The following WDFY3 variants were observed in gnomAD, a reference collection of about 807,000 sequenced individuals.
WDFY3 encodes WD repeat and FYVE domain-containing protein 3.
Under a neutral mutation model 409.6 loss-of-function variants are expected in WDFY3, and 66 were observed. The observed-to-expected ratio is 0.16, with a 90% CI of 0.13 to 0.20. The LOEUF (loss-of-function observed/expected upper bound fraction) is 0.20, where lower values mean the gene tolerates loss of function less well. WDFY3 is among the 10% of genes least tolerant of loss of function. The pLI, the probability that WDFY3 is intolerant of heterozygous loss-of-function variation, is 1.00. For missense variants in WDFY3, 3,031 were observed against 4,298.1 expected (o/e 0.71, Z 8.24); for synonymous variants, 1,521 against 1,537.1 (o/e 0.99, Z 0.25).
chr4:84,704,243 T>A (rs1223428520), intron 55 of WDFY3, 95 bp downstream of exon 55: 6 of 952,416 alleles, frequency 6.3e-6, no homozygotes, highest in Admixed American at 3.0e-5. Context: ...TTCGCAGAGC[T>A]TCTTATAATA....
chr4:84,820,985 G>T, intron 11 of WDFY3, 99 bp downstream of exon 11: 2 of 1,164,714 alleles, frequency 1.7e-6, no homozygotes, highest in Non-Finnish European at 2.4e-6. Flanking sequence ...ACATTAGGAA[G>T]TCATTGAAAT....
intron 3 of WDFY3, among the ~76,000 whole-genome samples, chr4:84,865,869 A>G (rs544732428): frequency 2.3e-3 from 345 of 152,296 alleles, no homozygotes; most frequent in African/African-American, 8.0e-3. Flanking sequence ...CAGGAGTTTG[A>G]GACCAGTTTG....
chr4:84,797,851 G>A (rs1749774430), intron 18 of WDFY3, 145 bp downstream of exon 18: 2 of 662,544 alleles, frequency 3.0e-6, no homozygotes, highest in Non-Finnish European at 4.7e-6. Flanking sequence ...GATTACAGGC[G>A]TGAGCCACCG....
At position 84,671,427 on chromosome 4, in the gene WDFY3, T is replaced by C. The variant is rs1438995956; in HGVS notation, c.*1441A>G. Reference sequence around the variant, plus strand: ...ATCACAGGGCTTTTAGAATTGTTCATAATGTTATCACTAAGTTTCTGAAAA... The same window carrying C: ...ATCACAGGGCTTTTAGAATTGTTCACAATGTTATCACTAAGTTTCTGAAAA... On this transcript the variant is annotated 3_prime_UTR_variant, in exon 68 of 68. Coordinates refer to ENST00000295888, the MANE Select transcript of WDFY3 (RefSeq NM_014991.6). 4 of 152,152 alleles carry C rather than the reference T, an allele frequency of 2.6e-5. No homozygotes were observed. Among genetic ancestry groups the C allele is most frequent in the Non-Finnish European group, 5.9e-5 (4 of 67,950 alleles). 9.4% of individuals were successfully genotyped at this position (152,152 alleles called of 1,614,324 possible). A position where few individuals can be genotyped will look rare whatever the true frequency, so the allele number is the denominator to read the frequency against.
chr4:84,800,800 T>C (rs892555355), intron 17 of WDFY3, among the ~76,000 whole-genome samples: 5 of 152,192 alleles, frequency 3.3e-5, no homozygotes, highest in African/African-American at 1.2e-4. Context: ...ATCCCTTGCA[T>C]GCACAGTTCA....
At chr4:84,758,992 C>G (rs974430981) in intron 32 of WDFY3, among the ~76,000 whole-genome samples, 8 of 152,090 alleles carry the variant, frequency 5.3e-5, no homozygotes, top group Non-Finnish European at 7.4e-5. Flanking sequence ...AAGGTGTAAG[C>G]AAGGGATCCA....
chr4:84,780,864 G>A (rs947045855), intron 25 of WDFY3, among the ~76,000 whole-genome samples: 4 of 152,150 alleles, frequency 2.6e-5, no homozygotes, highest in African/African-American at 9.7e-5. Context: ...GTAGAGGAGT[G>A]AGCAGAGAAG....
At chr4:84,869,369 C>T (rs1456677876) in intron 3 of WDFY3, among the ~76,000 whole-genome samples, 1 of 152,154 alleles carries the variant, frequency 6.6e-6, no homozygotes, top group African/African-American at 2.4e-5. Context: ...TTCACGCCCC[C>T]TGCATTCCTG....
intron 5 of WDFY3, among the ~76,000 whole-genome samples, chr4:84,846,670 T>C (rs1290242503): frequency 6.6e-6 from 1 of 150,576 alleles, no homozygotes; most frequent in Non-Finnish European, 1.5e-5. Flanking sequence ...CTCACAGTAC[T>C]GTGAAAATGG....
At chr4:84,887,411 G>T (rs2150468999) in intron 3 of WDFY3, among the ~76,000 whole-genome samples, 1 of 152,228 alleles carries the variant, frequency 6.6e-6, no homozygotes, top group Non-Finnish European at 1.5e-5. Flanking sequence ...TCTGCCCATT[G>T]GCTTGTAATC....
intron 11 of WDFY3, 86 bp downstream of exon 11, chr4:84,820,998 A>G (rs1578674370): frequency 7.8e-7 from 1 of 1,280,614 alleles, no homozygotes; most frequent in East Asian, 2.5e-5. Flanking sequence ...ATTGAAATCA[A>G]TAACCAAAGA....
chr4:84,835,746 C>T (rs1756479903), intron 7 of WDFY3, among the ~76,000 whole-genome samples: 1 of 152,162 alleles, frequency 6.6e-6, no homozygotes, highest in Admixed American at 6.5e-5. Context: ...TTACTCTATA[C>T]AGCTCTATCT....
At chr4:84,948,567 C>T (rs1187268023) in intron 1 of WDFY3, among the ~76,000 whole-genome samples, 2 of 152,172 alleles carry the variant, frequency 1.3e-5, no homozygotes, top group African/African-American at 2.4e-5. Flanking sequence ...TTTGCAGTTT[C>T]GCCCCAATCT....
chr4:84,817,415 G>T lies in WDFY3; in HGVS notation c.1864C>A (p.Gln622Lys), dbSNP rs1201197621. 8.7e-6 allele frequency: 14 copies of T among 1,613,498 alleles called. No individual in the cohort carries two copies. The highest frequency in any genetic ancestry group is 1.2e-5 in the Non-Finnish European group (14 of 1,179,702). The change falls in exon 13 of 68, where the codon CAG becomes AAG. Residue 622 changes from glutamine to lysine, a missense_variant. By Grantham distance (53) the Gln-to-Lys change is moderately conservative. Coordinates refer to ENST00000295888, the MANE Select transcript of WDFY3 (RefSeq NM_014991.6). ...LMHSAPPTEL[Q>K]LKTDILRALL... ...ACCCTTAAAATATCAGTCTTCAACT[G>T]CAATTCCGTCGGTGGGGCTGAATGC... is the stretch of plus-strand genomic sequence containing the variant.
intron 36 of WDFY3, among the ~76,000 whole-genome samples, chr4:84,744,666 A>G (rs1739056129): frequency 6.6e-6 from 1 of 151,432 alleles, no homozygotes; most frequent in South Asian, 2.1e-4. Context: ...ATCCCGGCTA[A>G]AACGGTGAAA....
chr4:84,892,742 A>G (rs1268039906), intron 3 of WDFY3, among the ~76,000 whole-genome samples: 1 of 152,238 alleles, frequency 6.6e-6, no homozygotes, highest in Non-Finnish European at 1.5e-5. Context: ...AGCCTGCTAA[A>G]GTCTGTGTCC....
chr4:84,923,910 G>A (rs1410878950), intron 2 of WDFY3, among the ~76,000 whole-genome samples: 1 of 152,192 alleles, frequency 6.6e-6, no homozygotes, highest in Non-Finnish European at 1.5e-5. Flanking sequence ...TGAGGTGGGA[G>A]AATCGATAGA....
intron 1 of WDFY3, among the ~76,000 whole-genome samples, chr4:84,939,544 T>G (rs542454010): frequency 1.3e-4 from 20 of 152,166 alleles, no homozygotes; most frequent in Admixed American, 1.2e-3. Context: ...AAGCTCAGAG[T>G]CCTACTGGAA....
intron 55 of WDFY3, among the ~76,000 whole-genome samples, chr4:84,702,866 G>A (rs1002269160): frequency 1.3e-5 from 2 of 152,168 alleles, no homozygotes; most frequent in Admixed American, 6.5e-5. Context: ...GGAGGCCGAG[G>A]CGGGCGGATC....
Sources: allele counts gnomAD v4.1 joint callset (sites outside exome capture counted in the v4.1 genomes callset), GRCh38; gene constraint gnomAD v4.1.1; transcripts MANE v1.5; gene names NCBI Gene and HGNC (gene_info 2026-07-23, HGNC 2026-07-21).